The following RANBP2 variants were observed in gnomAD, a reference collection of about 807,000 sequenced individuals.
RANBP2 encodes the protein RAN binding protein 2, also known as E3 SUMO-protein ligase RanBP2.
RANBP2 carries 57 observed loss-of-function variants against 303.6 expected under a neutral mutation model. That is an observed-to-expected ratio of 0.19 (90% CI 0.15 to 0.23). The LOEUF (loss-of-function observed/expected upper bound fraction) is 0.23, where lower values mean the gene tolerates loss of function less well. RANBP2 is among the 10% of genes least tolerant of loss of function. RANBP2 has a pLI of 1.00. For missense variants in RANBP2, 3,138 were observed against 3,780.8 expected (o/e 0.83, Z 4.46); for synonymous variants, 1,167 against 1,301.5 (o/e 0.90, Z 2.23).
At chr2:109,666,229 A>G in the RANBP2 span, among the ~76,000 whole-genome samples, 1 of 152,200 alleles carries the variant, frequency 6.6e-6, no homozygotes, top group Non-Finnish European at 1.5e-5. Flanking sequence ...TAGTTAATGA[A>G]ATTTTGGAGC....
At chr2:108,866,072 G>T in the RANBP2 span, among the ~76,000 whole-genome samples, 1 of 152,134 alleles carries the variant, frequency 6.6e-6, no homozygotes, top group African/African-American at 2.4e-5. Flanking sequence ...TGACTTACTG[G>T]CTTTGATGTG....
chr2:109,090,332 A>ACC, the RANBP2 span, among the ~76,000 whole-genome samples: 2 of 142,676 alleles, frequency 1.4e-5, no homozygotes, highest in Non-Finnish European at 3.1e-5. Flanking sequence ...ACACACACAC[A>ACC]CACACACACA....
the RANBP2 span, among the ~76,000 whole-genome samples, chr2:109,432,091 G>T: frequency 1.3e-5 from 2 of 152,124 alleles, no homozygotes; most frequent in Non-Finnish European, 2.9e-5. Flanking sequence ...TTTCCCTAAG[G>T]TTTCCCTTGC....
At chr2:109,181,529 A>G in the RANBP2 span, among the ~76,000 whole-genome samples, 7 of 152,296 alleles carry the variant, frequency 4.6e-5, no homozygotes, top group East Asian at 1.3e-3. Flanking sequence ...AAAGTACCCA[A>G]AAGTTTCTTT....
the RANBP2 span, among the ~76,000 whole-genome samples, chr2:109,111,840 T>A: frequency 6.9e-6 from 1 of 144,400 alleles, no homozygotes; most frequent in Non-Finnish European, 1.5e-5. Context: ...TGTCCATGTG[T>A]TCTCATTGTT....
chr2:108,847,539 A>T, the RANBP2 span, among the ~76,000 whole-genome samples: 6 of 152,220 alleles, frequency 3.9e-5, no homozygotes, highest in Non-Finnish European at 8.8e-5. Flanking sequence ...ATAATAGTGA[A>T]TAAGGAAATG....
chr2:109,083,031 T>A, the RANBP2 span, among the ~76,000 whole-genome samples: 1 of 151,016 alleles, frequency 6.6e-6, no homozygotes, highest in Non-Finnish European at 1.5e-5. Context: ...TTTCGCTATG[T>A]TAGCCAGGAT....
the RANBP2 span, among the ~76,000 whole-genome samples, chr2:109,222,050 A>G: frequency 1.3e-5 from 2 of 152,168 alleles, no homozygotes; most frequent in Admixed American, 1.3e-4. Flanking sequence ...TTGCAGCAAC[A>G]TGGATGAAAC....
chr2:108,945,851 G>T, the RANBP2 span, among the ~76,000 whole-genome samples: 19 of 152,194 alleles, frequency 1.2e-4, no homozygotes, highest in Non-Finnish European at 2.8e-4. Context: ...GAGGTCCCCA[G>T]AGTAGTCAGA....
chr2:109,386,385 C>T, the RANBP2 span, among the ~76,000 whole-genome samples: 22 of 151,948 alleles, frequency 1.4e-4, no homozygotes, highest in African/African-American at 4.8e-4. Context: ...GACCAAACAC[C>T]AGGGGGCCGC....
At chr2:108,761,475 T>G (rs1398164288) in intron 18 of RANBP2, among the ~76,000 whole-genome samples, 1 of 152,196 alleles carries the variant, frequency 6.6e-6, no homozygotes, top group Admixed American at 6.6e-5. Flanking sequence ...GCCATTAACA[T>G]GGGTGCCTTC....
the RANBP2 span, among the ~76,000 whole-genome samples, chr2:109,287,434 G>T: frequency 6.6e-6 from 1 of 152,136 alleles, no homozygotes; most frequent in Non-Finnish European, 1.5e-5. Context: ...TTTTCTTGAG[G>T]TGCTTAGGTA....
At chr2:109,090,533 A>G in the RANBP2 span, among the ~76,000 whole-genome samples, 3 of 152,162 alleles carry the variant, frequency 2.0e-5, no homozygotes, top group African/African-American at 7.2e-5. Context: ...TCGAGACCCT[A>G]GGAGACTCTC....
chr2:109,728,125 T>C, the RANBP2 span, among the ~76,000 whole-genome samples: 1 of 152,166 alleles, frequency 6.6e-6, no homozygotes, highest in Non-Finnish European at 1.5e-5. Context: ...CAATAGCCTG[T>C]AGAGAGGCTC....
At chr2:109,147,456 G>A in the RANBP2 span, among the ~76,000 whole-genome samples, 2 of 152,204 alleles carry the variant, frequency 1.3e-5, no homozygotes, top group African/African-American at 2.4e-5. Flanking sequence ...ATATCTGTGC[G>A]TATTTATAAT....
chr2:109,352,013 G>GCT, the RANBP2 span, among the ~76,000 whole-genome samples: 1 of 152,204 alleles, frequency 6.6e-6, no homozygotes, highest in African/African-American at 2.4e-5. Flanking sequence ...TAGAGTTCAG[G>GCT]CTCTAGCATG....
chr2:109,518,838 T>TA, the RANBP2 span, among the ~76,000 whole-genome samples: 1 of 151,648 alleles, frequency 6.6e-6, no homozygotes, highest in African/African-American at 2.4e-5. Context: ...TCAGGAAACT[T>TA]ACAATCGTGG....
chr2:109,331,359 C>CTCTCCCCTT, the RANBP2 span, among the ~76,000 whole-genome samples: 1 of 151,844 alleles, frequency 6.6e-6, no homozygotes, highest in African/African-American at 2.4e-5. Context: ...CTGCCTCCCT[C>CTCTCCCCTT]CTCTCCCCTT....
chr2:109,541,265 T>G, the RANBP2 span, among the ~76,000 whole-genome samples: 1 of 152,194 alleles, frequency 6.6e-6, no homozygotes, highest in African/African-American at 2.4e-5. Context: ...CATGCCACTA[T>G]TTTCTCATAT....
Sources: allele counts gnomAD v4.1 joint callset (sites outside exome capture counted in the v4.1 genomes callset), GRCh38; gene constraint gnomAD v4.1.1; transcripts MANE v1.5; gene names NCBI Gene and HGNC (gene_info 2026-07-23, HGNC 2026-07-21).